KIF1B: variants seen among roughly 807,000 people sequenced by gnomAD.
KIF1B encodes the protein kinesin family member 1B.
In KIF1B, 76 loss-of-function variants were observed where a neutral mutation model predicts 241.9. That is an observed-to-expected ratio of 0.31 (90% CI 0.26 to 0.38). KIF1B has a LOEUF of 0.38. Ranked by LOEUF, KIF1B falls within the 10% of genes least tolerant of loss-of-function variation. KIF1B has a pLI of 1.00. For missense variants in KIF1B, 1,622 were observed against 2,271.4 expected (o/e 0.71, Z 5.81); for synonymous variants, 750 against 796.7 (o/e 0.94, Z 0.99).
chr1:10,322,621 C>T (rs1651567018), intron 24 of KIF1B, among the ~76,000 whole-genome samples: 1 of 152,146 alleles, frequency 6.6e-6, no homozygotes, highest in African/African-American at 2.4e-5. Flanking sequence ...GCATGGACCA[C>T]CTAACTTTGG....
intron 1 of KIF1B, chr1:10,230,957 T>C (rs942808646): frequency 5.9e-5 from 9 of 152,176 alleles, no homozygotes; most frequent in South Asian, 2.1e-4. Context: ...CTCACGCTTA[T>C]AATCCCAGCA....
In KIF1B at chr1:10,217,388, G is replaced by T. The variant is rs182179672; in HGVS notation, c.-80+6510G>T. Among the ~76,000 whole-genome samples the T allele has an allele frequency of 1.5e-3, 224 of 145,956 alleles. 1 individual carries two copies. The highest frequency in any genetic ancestry group is 5.7e-3 in the African/African-American group (222 of 39,278). On this transcript the variant is annotated intron_variant, in intron 1 of 48. Coordinates refer to ENST00000676179, the MANE Select transcript of KIF1B (RefSeq NM_001365951.3). ...ACAGCCTTGCTGTGTCTCCCAGGCTGGGGTGCAGAGGCACAATCTCCTGGG... is the reference window on the plus strand; with the variant it reads ...ACAGCCTTGCTGTGTCTCCCAGGCTTGGGTGCAGAGGCACAATCTCCTGGG...
chr1:10,276,465 A>T, intron 12 of KIF1B, 66 bp downstream of exon 12: 1 of 1,095,768 alleles, frequency 9.1e-7, no homozygotes, highest in Non-Finnish European at 1.4e-6. Context: ...TTGTGATACC[A>T]TGGATGTTTT....
chr1:10,346,453 C>T (rs1652594036), intron 35 of KIF1B, among the ~76,000 whole-genome samples: 1 of 152,128 alleles, frequency 6.6e-6, no homozygotes, highest in African/African-American at 2.4e-5. Context: ...CAACCTCTGC[C>T]TCCCAGGTTC....
intron 1 of KIF1B, among the ~76,000 whole-genome samples, chr1:10,211,224 G>C (rs1238841776): frequency 6.6e-6 from 1 of 152,214 alleles, no homozygotes; most frequent in Non-Finnish European, 1.5e-5. Flanking sequence ...CCCGGGGGGC[G>C]GCTGTGCTTC....
intron 22 of KIF1B, among the ~76,000 whole-genome samples, chr1:10,318,551 C>T (rs1557710900): frequency 6.8e-6 from 1 of 147,632 alleles, no homozygotes; most frequent in Non-Finnish European, 1.5e-5. Flanking sequence ...GAAAACCCAT[C>T]TCTACTAAAA....
Position 10,326,155 on chromosome 1 carries a change from G to A in KIF1B, c.2720G>A (p.Arg907His), listed in dbSNP as rs1651714039. ...HGCVNERLAD[R>H]TPSPTFSTAD... ...TGTGTGAACGAGCGCCTTGCCGACCGCACACCCTCCCCCACTTTTTCCACG... is the reference window on the plus strand; with the variant it reads ...TGTGTGAACGAGCGCCTTGCCGACCACACACCCTCCCCCACTTTTTCCACG... The change falls in exon 27 of 49, where the codon CGC (arginine) becomes CAC (histidine). Residue 907 changes from arginine to histidine, a missense_variant. Coordinates refer to ENST00000676179, the MANE Select transcript of KIF1B (RefSeq NM_001365951.3). The surrounding 1 kb of genome is among the most constrained non-coding windows in gnomAD (Gnocchi z 5.2). 1.2e-6 allele frequency: 2 copies of A among 1,614,044 alleles called. No homozygotes were observed. The highest frequency in any genetic ancestry group is 8.5e-7 in the Non-Finnish European group (1 of 1,180,000).
At chr1:10,280,529 C>T (rs1370912805) in intron 14 of KIF1B, among the ~76,000 whole-genome samples, 1 of 152,170 alleles carries the variant, frequency 6.6e-6, no homozygotes, top group Non-Finnish European at 1.5e-5. Flanking sequence ...CCATCAAGCC[C>T]AGCCACCTGA....
chr1:10,307,163 A>G, intron 22 of KIF1B: 1 of 1,030,126 alleles, frequency 9.7e-7, no homozygotes, highest in South Asian at 4.6e-5. Flanking sequence ...ACTGCCATGT[A>G]TGTCCCATGA....
rs987206602 is a variant in KIF1B, at chr1:10,216,294, A to T, written c.-80+5416A>T. Among the ~76,000 whole-genome samples, 4 of 152,126 alleles carry T rather than the reference A, an allele frequency of 2.6e-5. No individual in the cohort carries two copies. In the South Asian group the frequency reaches 8.3e-4, roughly 32 times the overall value. Reference sequence around the variant, plus strand: ...ACTTGTCATCATGTTAAGGTCTCAAATTCACCTTCAAGTCTTAAACTGTGA... The same window carrying T: ...ACTTGTCATCATGTTAAGGTCTCAATTTCACCTTCAAGTCTTAAACTGTGA... On this transcript the variant is annotated intron_variant, in intron 1 of 48. Transcript: ENST00000676179.
At chr1:10,236,539 C>A (rs766486842) in intron 2 of KIF1B, among the ~76,000 whole-genome samples, 1 of 152,204 alleles carries the variant, frequency 6.6e-6, no homozygotes, top group Non-Finnish European at 1.5e-5. Flanking sequence ...GGTTAGTTTT[C>A]TAGCTAAATA....
rs183901514 is a variant in KIF1B at position 10,314,450 on chromosome 1, C to T, written c.2116-5593C>T. 7.9e-5 allele frequency among the ~76,000 whole-genome samples: 12 copies of T among 151,298 alleles called. No homozygotes were observed. In the East Asian group the frequency reaches 1.6e-3, roughly 20 times the overall value. On this transcript the variant is annotated intron_variant, in intron 22 of 48. Transcript: ENST00000676179. Reference sequence around the variant, plus strand: ...TGTTGTTGTTTTTGAGATGGGGTCTCGCTGTGTCCTCCAGGCTGGAGTGGA... The same window carrying T: ...TGTTGTTGTTTTTGAGATGGGGTCTTGCTGTGTCCTCCAGGCTGGAGTGGA...
At chr1:10,347,330 A>C (rs2102328369) in intron 35 of KIF1B, among the ~76,000 whole-genome samples, 1 of 152,296 alleles carries the variant, frequency 6.6e-6, no homozygotes, top group South Asian at 2.1e-4. Context: ...CAGTGCTTTG[A>C]GGAATTTGAC....
At chr1:10,218,136 A>G (rs1646793014) in intron 1 of KIF1B, among the ~76,000 whole-genome samples, 3 of 151,984 alleles carry the variant, frequency 2.0e-5, no homozygotes, top group Non-Finnish European at 4.4e-5. Flanking sequence ...AGTGTCATGG[A>G]TACTGGCATT....
intron 32 of KIF1B, among the ~76,000 whole-genome samples, chr1:10,341,684 A>T (rs1652397851): frequency 1.3e-5 from 2 of 152,204 alleles, no homozygotes; most frequent in South Asian, 4.1e-4. Flanking sequence ...GCAGCAGTAA[A>T]ATTGGGCCAG....
Position 10,337,275 on chromosome 1 carries a change from CAT to C in KIF1B, c.3259+74_3259+75del. The C allele has an allele frequency of 6.2e-7, 1 of 1,611,766 alleles. No homozygotes were observed. Among genetic ancestry groups the C allele is most frequent in the East Asian group, 2.2e-5 (1 of 44,870 alleles). On this transcript the variant is annotated intron_variant, in intron 30 of 48. Transcript: ENST00000676179. This position sits in a 1 kb window ranked among gnomAD's most constrained non-coding sequence, Gnocchi z 4.0. ...GAAAATATTGACCATTATCAAGGGACATAGTGGCCTTCATCAACTAGGAATGG... is the reference window on the plus strand; with the variant it reads ...GAAAATATTGACCATTATCAAGGGACAGTGGCCTTCATCAACTAGGAATGG...
intron 36 of KIF1B, 32 bp from the exon 37 acceptor site, chr1:10,348,617 C>T: frequency 6.4e-7 from 1 of 1,550,502 alleles, no homozygotes; most frequent in African/African-American, 1.4e-5. Flanking sequence ...TAGATTGCTT[C>T]AGCTAAATTG....
Position 10,347,919 on chromosome 1 carries a change from C to T in KIF1B, c.3864+92C>T, listed in dbSNP as rs1322800186. ...ATTCTTTCTTATTCTCTGTTTTCAT[C>T]TCTATTTCAGAGGGTGGGCGGGGCA... On this transcript the variant is annotated intron_variant, in intron 36 of 48. Transcript: ENST00000676179. The T allele has an allele frequency of 1.4e-5, 16 of 1,158,612 alleles. No homozygotes were observed. In the Admixed American group the frequency reaches 2.9e-4, roughly 21 times the overall value. The allele number at this position is 1,158,612 out of a possible 1,614,324, so 71.8% of individuals were successfully genotyped here. A position where few individuals can be genotyped will look rare whatever the true frequency, so the allele number is the denominator to read the frequency against.
At chr1:10,360,352 G>T (rs1333579289) in intron 38 of KIF1B, among the ~76,000 whole-genome samples, 2 of 151,936 alleles carry the variant, frequency 1.3e-5, no homozygotes, top group African/African-American at 4.8e-5. Context: ...CTATTTTTAT[G>T]TTTATAGGCA....
Sources: allele counts gnomAD v4.1 joint callset (sites outside exome capture counted in the v4.1 genomes callset), GRCh38; gene constraint gnomAD v4.1.1; non-coding constraint Gnocchi (gnomAD v3.1); transcripts MANE v1.5; gene names NCBI Gene and HGNC (gene_info 2026-07-23, HGNC 2026-07-21).